USP25: variants seen among roughly 807,000 people sequenced by gnomAD.
USP25 encodes ubiquitin carboxyl-terminal hydrolase 25.
A neutral mutation model predicts 158.5 loss-of-function variants in USP25; 85 were observed. That is an observed-to-expected ratio of 0.54 (90% CI 0.45 to 0.64). USP25 has a LOEUF of 0.64. USP25 is among the 30% of genes least tolerant of loss of function. The pLI, the probability that USP25 is intolerant of heterozygous loss-of-function variation, is 0.00. For synonymous variants in USP25, 464 were observed against 460.4 expected (o/e 1.01, Z -0.10); for missense variants, 1,242 against 1,327.3 (o/e 0.94, Z 1.00).
At chr21:15,753,317 A>G (rs1263691165) in intron 1 of USP25, among the ~76,000 whole-genome samples, 1 of 152,194 alleles carries the variant, frequency 6.6e-6, no homozygotes, top group African/African-American at 2.4e-5. Flanking sequence ...AGCTGGCTCC[A>G]ACTGACTAGG....
Position 15,766,106 on chromosome 21 carries a change from A to T in USP25, c.233A>T (p.Asp78Val). 1.2e-6 allele frequency: 2 copies of T among 1,609,812 alleles called. No homozygotes were observed. The highest frequency in any genetic ancestry group is 1.7e-6 in the Non-Finnish European group (2 of 1,178,148). Reference protein sequence around the residue: ...TYYQTALPGNDRYISVGSQAD... With the variant: ...TYYQTALPGNVRYISVGSQAD... ...TACCAAACAGCACTTCCTGGCAATG[A>T]TAGATACATCAGTGTGGGAAGCCAA... Residue 78 changes from aspartate (D) to valine (V), a missense_variant, in exon 3 of 26, where the codon GAT becomes GTT. Transcript: ENST00000400183. The surrounding 1 kb of genome is among the most constrained non-coding windows in gnomAD (Gnocchi z 4.0).
At position 15,816,257 on chromosome 21, in the gene USP25, G is replaced by A. The variant is rs1246700582; in HGVS notation, c.932-2441G>A. On this transcript the variant is annotated intron_variant, in intron 9 of 25. Transcript: ENST00000400183. This position sits in a 1 kb window ranked among gnomAD's most constrained non-coding sequence, Gnocchi z 4.0. Reference sequence around the variant, plus strand: ...CTCTTGCCTCTGCCATGTAAGAAGTGCCTTTTGCCTCCCGCCACGATTCTG... The same window carrying A: ...CTCTTGCCTCTGCCATGTAAGAAGTACCTTTTGCCTCCCGCCACGATTCTG... 6.6e-6 allele frequency among the ~76,000 whole-genome samples: 1 copy of A among 152,096 alleles called. No individual in the cohort carries two copies. Among genetic ancestry groups the A allele is most frequent in the African/African-American group, 2.4e-5 (1 of 41,406 alleles).
intron 4 of USP25, among the ~76,000 whole-genome samples, chr21:15,786,424 A>G (rs1008343742): frequency 1.3e-5 from 2 of 152,174 alleles, no homozygotes; most frequent in African/African-American, 4.8e-5. Context: ...TATTAAAAAC[A>G]TCATCCACTA....
At chr21:15,832,137 G>T (rs922523518) in intron 16 of USP25, among the ~76,000 whole-genome samples, 3 of 152,090 alleles carry the variant, frequency 2.0e-5, no homozygotes, top group African/African-American at 7.2e-5. Flanking sequence ...TTCAATTCAG[G>T]TGTCATTTCC....
At chr21:15,775,126 C>T (rs1369301015) in intron 3 of USP25, among the ~76,000 whole-genome samples, 2 of 152,120 alleles carry the variant, frequency 1.3e-5, no homozygotes, top group Non-Finnish European at 2.9e-5. Flanking sequence ...TGCTTCATTT[C>T]TCAGAATTTC....
chr21:15,873,724 G>A (rs1026184429), intron 23 of USP25, among the ~76,000 whole-genome samples: 5 of 151,744 alleles, frequency 3.3e-5, no homozygotes, highest in South Asian at 2.1e-4. Flanking sequence ...AACTCCCTAC[G>A]TCAGGTGGTC....
chr21:15,830,580 C>T lies in USP25; in HGVS notation c.1743C>T (p.Tyr581=). Residue 581 remains tyrosine (Y), a synonymous_variant, in exon 15 of 26, where the codon TAC becomes TAT. Transcript: ENST00000400183. The part of the protein sequence containing the change: ...SRIHRTIELM[Y]SDKSMIQVPY... Reference sequence around the variant, plus strand: ...TCCATCGAACAATTGAATTAATGTACTCTGACAAATCTATGATACAAGTAA... The same window carrying T: ...TCCATCGAACAATTGAATTAATGTATTCTGACAAATCTATGATACAAGTAA... 1 of 1,600,960 alleles carries T rather than the reference C, an allele frequency of 6.2e-7. No individual in the cohort carries two copies. The highest frequency in any genetic ancestry group is 8.5e-7 in the Non-Finnish European group (1 of 1,173,788).
intron 5 of USP25, among the ~76,000 whole-genome samples, chr21:15,792,738 T>G (rs1451778790): frequency 1.3e-5 from 2 of 151,608 alleles, no homozygotes; most frequent in African/African-American, 2.4e-5. Context: ...CCCTTTTTGC[T>G]TCTGGTGCAT....
intron 19 of USP25, among the ~76,000 whole-genome samples, chr21:15,848,889 A>G (rs769262995): frequency 1.3e-5 from 2 of 152,194 alleles, no homozygotes; most frequent in South Asian, 4.1e-4. Context: ...GACGGAGGCA[A>G]TCTCTTGATT....
chr21:15,739,284 A>G (rs549720306), intron 1 of USP25, among the ~76,000 whole-genome samples: 1 of 152,278 alleles, frequency 6.6e-6, no homozygotes, highest in Non-Finnish European at 1.5e-5. Flanking sequence ...GCAGTTACCT[A>G]CTTTTGTACC....
At chr21:15,868,826 C>T (rs769822598) in intron 22 of USP25, among the ~76,000 whole-genome samples, 1 of 152,126 alleles carries the variant, frequency 6.6e-6, no homozygotes, top group Non-Finnish European at 1.5e-5. Flanking sequence ...TAAGGTGATT[C>T]TAATGACAAC....
chr21:15,771,451 TG>T (rs1200394318), intron 3 of USP25, among the ~76,000 whole-genome samples: 2 of 152,146 alleles, frequency 1.3e-5, no homozygotes, highest in African/African-American at 4.8e-5. Flanking sequence ...AGTGTGAGCA[TG>T]AACTTTTGGC....
intron 4 of USP25, among the ~76,000 whole-genome samples, chr21:15,786,613 A>G (rs1305167820): frequency 6.6e-6 from 1 of 152,130 alleles, no homozygotes; most frequent in East Asian, 1.9e-4. Flanking sequence ...TATAGAAAGT[A>G]TGTACCTCAA....
chr21:15,765,899 C>A, intron 2 of USP25, 98 bp from the exon 3 acceptor site: 1 of 1,259,442 alleles, frequency 7.9e-7, no homozygotes, highest in Non-Finnish European at 1.1e-6. Context: ...AAATTTAAAG[C>A]AATTTTGTTC....
intron 10 of USP25, among the ~76,000 whole-genome samples, chr21:15,820,895 G>T (rs1355295455): frequency 2.6e-5 from 4 of 151,876 alleles, no homozygotes; most frequent in Non-Finnish European, 5.9e-5. Flanking sequence ...CATCCAATTG[G>T]CTATAAGAGT....
chr21:15,849,096 A>G (rs1043898663), intron 19 of USP25, among the ~76,000 whole-genome samples: 1 of 152,196 alleles, frequency 6.6e-6, no homozygotes, highest in African/African-American at 2.4e-5. Flanking sequence ...GCATGTTTTT[A>G]ATAAACCTAT....
chr21:15,740,664 TTTTTTTTTTTG>T, intron 1 of USP25, among the ~76,000 whole-genome samples: 1 of 133,092 alleles, frequency 7.5e-6, no homozygotes, highest in African/African-American at 3.6e-5. Context: ...TTTTTTTTTT[TTTTTTTTTTTG>T]GTATGTGCGT....
chr21:15,776,887 C>T (rs978013332), intron 3 of USP25, among the ~76,000 whole-genome samples: 4 of 152,002 alleles, frequency 2.6e-5, no homozygotes, highest in South Asian at 2.1e-4. Context: ...GAAGGCAAAA[C>T]GTGTCCAAAA....
chr21:15,833,302 C>T (rs1322852270), intron 16 of USP25, 46 bp from the exon 17 acceptor site: 14 of 1,548,358 alleles, frequency 9.0e-6, no homozygotes, highest in South Asian at 7.3e-5. Context: ...TTGCATTTTC[C>T]CTTTAATTCT....
Sources: allele counts gnomAD v4.1 joint callset (sites outside exome capture counted in the v4.1 genomes callset), GRCh38; gene constraint gnomAD v4.1.1; non-coding constraint Gnocchi (gnomAD v3.1); transcripts MANE v1.5; gene names NCBI Gene and HGNC (gene_info 2026-07-23, HGNC 2026-07-21).